Variants in WWOX observed in about 807,000 individuals in gnomAD.
The protein encoded by WWOX is WW domain-containing oxidoreductase.
Under a neutral mutation model 46.2 loss-of-function variants are expected in WWOX, and 69 were observed. The ratio of observed to expected loss-of-function variants is 1.49; its 90% CI spans 1.23 to 1.82. The LOEUF (loss-of-function observed/expected upper bound fraction) is 1.82, where lower values mean the gene tolerates loss of function less well. Among genes scored for constraint, WWOX ranks in the 40% most tolerant of loss-of-function variants. The probability of loss-of-function intolerance (pLI) is 0.00; values close to 1 mark genes in which losing one functional copy is unlikely to be tolerated. For synonymous variants in WWOX, 359 were observed against 202.6 expected (o/e 1.77, Z -6.56); for missense variants, 919 against 542.6 (o/e 1.69, Z -6.89).
intron 8 of WWOX, among the ~76,000 whole-genome samples, chr16:78,591,584 C>A (rs547012804): frequency 6.6e-6 from 1 of 152,166 alleles, no homozygotes; most frequent in African/African-American, 2.4e-5. Context: ...ATTTAGGTTA[C>A]CATCATTTAT....
rs779643455 is a variant in WWOX at position 78,922,985 on chromosome 16, T to TTTTTTTC, written c.1057-288617_1057-288616insCTTTTTT. On this transcript the variant is annotated intron_variant, in intron 8 of 8. Coordinates refer to ENST00000566780, the MANE Select transcript of WWOX (RefSeq NM_016373.4). ...AGGAGGCATAATTCTTTCTCTTTTCTTTTTTTTTTTTTTGAGACAGAGTTT... is the reference window on the plus strand; with the variant it reads ...AGGAGGCATAATTCTTTCTCTTTTCTTTTTTTCTTTTTTTTTTTTTGAGACAGAGTTT... Among the ~76,000 whole-genome samples, 147 of 52,520 alleles carry TTTTTTTC rather than the reference T, an allele frequency of 2.8e-3. 1 individual carries two copies. The highest frequency in any genetic ancestry group is 2.8e-3 in the Non-Finnish European group (84 of 30,504). The allele number at this position is 52,520 out of a possible 152,430, so 34.5% of individuals were successfully genotyped here.
chr16:78,254,082 T>A (rs2038057717), intron 5 of WWOX, among the ~76,000 whole-genome samples: 1 of 152,096 alleles, frequency 6.6e-6, no homozygotes, highest in Admixed American at 6.5e-5. Flanking sequence ...TCTTCTTTTT[T>A]TTTTCTGAGA....
At chr16:78,854,185 A>G (rs895501251) in intron 8 of WWOX, among the ~76,000 whole-genome samples, 2 of 152,290 alleles carry the variant, frequency 1.3e-5, no homozygotes, top group East Asian at 3.9e-4. Flanking sequence ...AATTGTGAAC[A>G]TTGTTCTTTC....
At chr16:78,376,075 C>T (rs1214115391) in intron 5 of WWOX, among the ~76,000 whole-genome samples, 1 of 152,038 alleles carries the variant, frequency 6.6e-6, no homozygotes, top group East Asian at 1.9e-4. Context: ...TTCTCGAACT[C>T]CTGACCTCAA....
chr16:78,314,698 T>TG lies in WWOX; in HGVS notation c.517-72162_517-72161insG, dbSNP rs111667104. On this transcript the variant is annotated intron_variant, in intron 5 of 8. Transcript: ENST00000566780. ...CCCCACCCTGCAGGGGTTTTTTTTT[T>TG]TTGTTTTTTTTTTTTTTTTTTTTCT... Among the ~76,000 whole-genome samples the TG allele has an allele frequency of 6.6e-4, 45 of 67,930 alleles. 1 individual carries two copies. Among genetic ancestry groups the TG allele is most frequent in the African/African-American group, 4.4e-3 (38 of 8,658 alleles). The allele number at this position is 67,930 out of a possible 152,430, so 44.6% of individuals were successfully genotyped here.
At chr16:78,490,103 A>G (rs1346194403) in intron 8 of WWOX, among the ~76,000 whole-genome samples, 2 of 151,038 alleles carry the variant, frequency 1.3e-5, no homozygotes, top group African/African-American at 4.9e-5. Flanking sequence ...TATTTTTAAC[A>G]CTAAACGATT....
At chr16:78,330,101 A>G (rs751766303) in intron 5 of WWOX, among the ~76,000 whole-genome samples, 1 of 152,110 alleles carries the variant, frequency 6.6e-6, no homozygotes, top group Non-Finnish European at 1.5e-5. Context: ...GGTTGTCCTT[A>G]ACGCGTAAAT....
At chr16:78,908,115 T>A (rs2045013679) in intron 8 of WWOX, among the ~76,000 whole-genome samples, 1 of 152,148 alleles carries the variant, frequency 6.6e-6, no homozygotes, top group South Asian at 2.1e-4. Flanking sequence ...TCCTCAAAGT[T>A]TTACACCAGG....
chr16:78,970,472 C>G (rs1299527518), intron 8 of WWOX, among the ~76,000 whole-genome samples: 2 of 152,182 alleles, frequency 1.3e-5, no homozygotes, highest in Non-Finnish European at 2.9e-5. Context: ...TTTGGGGAAC[C>G]TGGTACTACC....
rs140212390 is a variant in WWOX at position 78,216,576 on chromosome 16, C to T, written c.516+52287C>T. Among the ~76,000 whole-genome samples, 905 of 152,140 alleles carry T rather than the reference C, an allele frequency of 5.9e-3. 4 individuals are homozygous for T. Among genetic ancestry groups the T allele is most frequent in the Middle Eastern group, 0.01 (3 of 294 alleles). On this transcript the variant is annotated intron_variant, in intron 5 of 8. Coordinates refer to ENST00000566780, the MANE Select transcript of WWOX (RefSeq NM_016373.4). ...AGGCTGACACATTCCTCTGCTATGG[C>T]CTCTTCATTTTTCAAAGCCAGCAAG... is the stretch of plus-strand genomic sequence containing the variant.
intron 8 of WWOX, among the ~76,000 whole-genome samples, chr16:79,054,590 G>C (rs1294411664): frequency 6.6e-6 from 1 of 152,230 alleles, no homozygotes; most frequent in Non-Finnish European, 1.5e-5. Context: ...GGGCGGTCAA[G>C]GTGGGAAGAT....
chr16:78,941,038 A>G (rs921306761), intron 8 of WWOX, among the ~76,000 whole-genome samples: 2 of 152,094 alleles, frequency 1.3e-5, no homozygotes, highest in African/African-American at 4.8e-5. Flanking sequence ...ATGACCAGAA[A>G]GACTCACAGC....
intron 8 of WWOX, among the ~76,000 whole-genome samples, chr16:78,680,163 A>G (rs868648070): frequency 6.6e-6 from 1 of 152,218 alleles, no homozygotes. Flanking sequence ...TAATCCCAGC[A>G]CTGAGGGAGG....
intron 6 of WWOX, among the ~76,000 whole-genome samples, chr16:78,391,362 G>C (rs1035569815): frequency 1.3e-5 from 2 of 152,220 alleles, no homozygotes; most frequent in African/African-American, 4.8e-5. Context: ...ACTTAACCAT[G>C]ATTATCCCTA....
chr16:78,395,020 A>G (rs913680611), intron 6 of WWOX, among the ~76,000 whole-genome samples: 1 of 152,244 alleles, frequency 6.6e-6, no homozygotes, highest in African/African-American at 2.4e-5. Context: ...GCCATAATGC[A>G]TGAAATTACC....
chr16:78,755,174 G>T (rs1567538385), intron 8 of WWOX, among the ~76,000 whole-genome samples: 1 of 150,996 alleles, frequency 6.6e-6, no homozygotes, highest in African/African-American at 2.4e-5. Flanking sequence ...ATGTAACAAG[G>T]CTGCATGTTC....
intron 3 of WWOX, among the ~76,000 whole-genome samples, chr16:78,113,067 A>G (rs148445468): frequency 6.6e-6 from 1 of 152,254 alleles, no homozygotes; most frequent in East Asian, 1.9e-4. Flanking sequence ...TTGCCTTTGC[A>G]TTCACGCTTG....
In WWOX at chr16:78,698,399, A is replaced by G. The variant is rs932350894; in HGVS notation, c.1056+265647A>G. 8.5e-5 allele frequency among the ~76,000 whole-genome samples: 13 copies of G among 152,336 alleles called. 1 individual carries two copies. Among genetic ancestry groups the G allele is most frequent in the Admixed American group, 7.2e-4 (11 of 15,294 alleles). On this transcript the variant is annotated intron_variant, in intron 8 of 8. Transcript: ENST00000566780. ...ACAGAGGTTTCGCTACATTTTGAAA[A>G]TTAAAATTCATTTCATTCGCATTAC...
intron 4 of WWOX, among the ~76,000 whole-genome samples, chr16:78,155,491 G>A (rs1465301507): frequency 6.6e-6 from 1 of 152,174 alleles, no homozygotes; most frequent in Non-Finnish European, 1.5e-5. Flanking sequence ...AAGACAGTGA[G>A]CTATTAAGCC....
Sources: gnomAD v4.1 joint callset for allele counts (sites outside exome capture counted in the v4.1 genomes callset) on GRCh38, gnomAD v4.1.1 for gene constraint, MANE v1.5 for transcripts, NCBI Gene and HGNC (gene_info 2026-07-23, HGNC 2026-07-21) for gene names.